Variants in AVL9 observed in about 807,000 individuals in gnomAD.
The protein encoded by AVL9 is late secretory pathway protein AVL9 homolog.
Under a neutral mutation model 79.2 loss-of-function variants are expected in AVL9, and 49 were observed. The observed-to-expected ratio is 0.62, with a 90% CI of 0.49 to 0.79. The LOEUF (loss-of-function observed/expected upper bound fraction) is 0.79. AVL9 is among the 30% of genes least tolerant of loss of function. The pLI, the probability that AVL9 is intolerant of heterozygous loss-of-function variation, is 0.00. For synonymous variants in AVL9, 299 were observed against 280.6 expected (o/e 1.07, Z -0.65); for missense variants, 682 against 776.8 (o/e 0.88, Z 1.45).
intron 1 of AVL9, among the ~76,000 whole-genome samples, chr7:32,511,531 GA>G (rs1787673203): frequency 6.6e-6 from 1 of 152,024 alleles, no homozygotes; most frequent in Non-Finnish European, 1.5e-5. Context: ...GAGTACAGGG[GA>G]CTAGCAAGAG....
Position 32,573,278 on chromosome 7 carries a change from C to T in AVL9, c.1430C>T (p.Ala477Val). ...LNPTTADLRF[A>V]DYLVRHVTEN... is the part of the protein sequence containing the mutation. ...CCAACCACTGCAGACCTAAGGTTCG[C>T]AGACTACCTAGTGAGGCACGTGACT... Residue 477 changes from alanine (A) to valine (V), a missense_variant, in exon 12 of 16, where the codon GCA becomes GTA. Physicochemically the swap from Ala to Val is moderately conservative, Grantham distance 64. Transcript: ENST00000318709. The T allele has an allele frequency of 6.2e-7, 1 of 1,613,904 alleles. No homozygotes were observed. Among genetic ancestry groups the T allele is most frequent in the Non-Finnish European group, 8.5e-7 (1 of 1,179,998 alleles).
chr7:32,533,344 G>C (rs1485793066), intron 1 of AVL9: 1 of 152,100 alleles, frequency 6.6e-6, no homozygotes, highest in Admixed American at 6.6e-5. Context: ...CTTTTAATTG[G>C]TAAGTCTCAA....
chr7:32,544,444 T>C (rs972278236), intron 2 of AVL9, among the ~76,000 whole-genome samples: 1 of 152,252 alleles, frequency 6.6e-6, no homozygotes, highest in Admixed American at 6.5e-5. Flanking sequence ...AAGTATTTTC[T>C]GTAATTGTAG....
At chr7:32,543,344 T>A in intron 2 of AVL9, 83 bp downstream of exon 2, 1 of 1,494,110 alleles carries the variant, frequency 6.7e-7, no homozygotes, top group Admixed American at 2.1e-5. Flanking sequence ...TACTTAGAAA[T>A]TAAAGGCCTT....
At chr7:32,497,717 G>A (rs1158536710) in intron 1 of AVL9, among the ~76,000 whole-genome samples, 2 of 150,238 alleles carry the variant, frequency 1.3e-5, no homozygotes, top group African/African-American at 4.9e-5. Context: ...GTGCAGTGGA[G>A]CTCGGCTCAC....
intron 13 of AVL9, 63 bp from the exon 14 acceptor site, chr7:32,580,156 A>T: frequency 7.7e-7 from 1 of 1,294,656 alleles, no homozygotes; most frequent in African/African-American, 1.5e-5. Flanking sequence ...TTTTCTTGTG[A>T]TAACTCTTTT....
At chr7:32,572,959 TA>T (rs2128150350) in intron 11 of AVL9, among the ~76,000 whole-genome samples, 1 of 152,292 alleles carries the variant, frequency 6.6e-6, no homozygotes, top group South Asian at 2.1e-4. Context: ...TCTAGGTGAG[TA>T]ATTTTGTAAT....
chr7:32,522,850 G>A (rs527996153), intron 1 of AVL9, among the ~76,000 whole-genome samples: 11 of 152,160 alleles, frequency 7.2e-5, no homozygotes, highest in Middle Eastern at 3.4e-3. Context: ...AGTCTTTTCC[G>A]TGCTATTCTC....
chr7:32,495,766 C>T lies in AVL9; in HGVS notation c.57C>T (p.Ile19=). 4.8e-6 allele frequency: 6 copies of T among 1,260,146 alleles called. No individual in the cohort carries two copies. Among genetic ancestry groups the T allele is most frequent in the Non-Finnish European group, 6.0e-6 (6 of 992,322 alleles). The allele number at this position is 1,260,146 out of a possible 1,614,324, so 78.1% of individuals were successfully genotyped here. A position where few individuals can be genotyped will look rare whatever the true frequency, so the allele number is the denominator to read the frequency against. Residue 19 remains isoleucine (I), a synonymous_variant, in exon 1 of 16, where the codon ATC becomes ATT. Coordinates refer to ENST00000318709, the MANE Select transcript of AVL9 (RefSeq NM_015060.3). Reference sequence around the variant, plus strand: ...TCCCCCGGGGGCCCGTACTGCACATCGTGGTGGTCGGATTTCACCACAAGA... The same window carrying T: ...TCCCCCGGGGGCCCGTACTGCACATTGTGGTGGTCGGATTTCACCACAAGA... The part of the protein sequence containing the change: ...DGVPRGPVLH[I]VVVGFHHKKG...
chr7:32,571,451 C>T (rs1790839825), intron 11 of AVL9, among the ~76,000 whole-genome samples: 1 of 151,846 alleles, frequency 6.6e-6, no homozygotes. Context: ...TCGCTTGAAC[C>T]CGGGTGGTAG....
intron 15 of AVL9, 56 bp from the exon 16 acceptor site, chr7:32,583,736 T>A: frequency 9.0e-7 from 1 of 1,114,634 alleles, no homozygotes; most frequent in Non-Finnish European, 1.3e-6. Context: ...GGTCTTTCAC[T>A]GTCTCGTAAC....
At chr7:32,579,173 G>C (rs1791234807) in intron 13 of AVL9, among the ~76,000 whole-genome samples, 1 of 147,784 alleles carries the variant, frequency 6.8e-6, no homozygotes, top group Admixed American at 7.2e-5. Context: ...CCTTGACAGA[G>C]GGACCCCTGA....
intron 1 of AVL9, among the ~76,000 whole-genome samples, chr7:32,497,344 A>AT (rs962160832): frequency 1.9e-4 from 29 of 151,682 alleles, no homozygotes; most frequent in African/African-American, 6.3e-4. Context: ...AACAAGAGCG[A>AT]AAAAAAAAGT....
At chr7:32,499,095 G>A (rs1035067161) in intron 1 of AVL9, among the ~76,000 whole-genome samples, 3 of 150,856 alleles carry the variant, frequency 2.0e-5, no homozygotes, top group Non-Finnish European at 4.4e-5. Flanking sequence ...TCTGGGAGGC[G>A]GAGGTTACAG....
chr7:32,540,871 C>CTTTTTTTT (rs749306635), intron 1 of AVL9, among the ~76,000 whole-genome samples: 4 of 72,468 alleles, frequency 5.5e-5, no homozygotes, highest in Non-Finnish European at 7.9e-5. Context: ...TGTTGTACTA[C>CTTTTTTTT]TTTTTTTTTT....
At chr7:32,527,694 T>A (rs4723168) in intron 1 of AVL9, among the ~76,000 whole-genome samples, 111,119 of 152,066 alleles carry the variant, frequency 0.73, 40,828 homozygotes, top group South Asian at 0.86. Flanking sequence ...CACGGCAGGC[T>A]GCTATGCCAC....
rs549089354 is a variant in AVL9, at chr7:32,513,750, G to A, written c.93+17948G>A. On this transcript the variant is annotated intron_variant, in intron 1 of 15. Coordinates refer to ENST00000318709, the MANE Select transcript of AVL9 (RefSeq NM_015060.3). ...ACCAGCGCTCAGCAAGTTAGGACCT[G>A]CACCAGCGCTGGTCTCTGAGTTCCC... Among the ~76,000 whole-genome samples, 6 of 152,306 alleles carry A rather than the reference G, an allele frequency of 3.9e-5. No homozygotes were observed. In the South Asian group the frequency reaches 1.2e-3, roughly 32 times the overall value.
At chr7:32,502,242 G>A (rs1253165267) in intron 1 of AVL9, among the ~76,000 whole-genome samples, 1 of 151,816 alleles carries the variant, frequency 6.6e-6, no homozygotes, top group African/African-American at 2.4e-5. Context: ...GTGCATGCCT[G>A]TAGTCCCAGC....
chr7:32,566,831 C>T (rs1292089712), intron 10 of AVL9, among the ~76,000 whole-genome samples: 1 of 152,126 alleles, frequency 6.6e-6, no homozygotes, highest in Non-Finnish European at 1.5e-5. Flanking sequence ...TGCAGTGAAC[C>T]GAGATCGCGC....
Sources: gnomAD v4.1 joint callset for allele counts (sites outside exome capture counted in the v4.1 genomes callset) on GRCh38, gnomAD v4.1.1 for gene constraint, MANE v1.5 for transcripts, NCBI Gene and HGNC (gene_info 2026-07-23, HGNC 2026-07-21) for gene names.